MAP2: variants seen among roughly 807,000 people sequenced by gnomAD.
The protein encoded by MAP2 is microtubule associated protein 2, also known as microtubule-associated protein 2.
MAP2 carries 14 observed loss-of-function variants against 137.6 expected under a neutral mutation model. That is an observed-to-expected ratio of 0.10 (90% CI 0.07 to 0.16). The LOEUF is 0.16. MAP2 is among the 10% of genes least tolerant of loss of function. The pLI is 1.00. For synonymous variants in MAP2, 786 were observed against 782.3 expected (o/e 1.00, Z -0.08); for missense variants, 2,088 against 2,191.5 (o/e 0.95, Z 0.94).
At chr2:209,705,549 A>T in intron 11 of MAP2, 31 bp from the exon 12 acceptor site, 1 of 1,549,152 alleles carries the variant, frequency 6.5e-7, no homozygotes. Flanking sequence ...AGTTACAAGA[A>T]CCCAATGTTC....
intron 1 of MAP2, among the ~76,000 whole-genome samples, chr2:209,443,018 T>C (rs1352383896): frequency 6.6e-6 from 1 of 151,634 alleles, no homozygotes; most frequent in Non-Finnish European, 1.5e-5. Context: ...ATCTTTCTTA[T>C]CTGCATATTT....
At chr2:209,547,128 T>C (rs2068233334) in intron 2 of MAP2, among the ~76,000 whole-genome samples, 1 of 152,142 alleles carries the variant, frequency 6.6e-6, no homozygotes, top group Non-Finnish European at 1.5e-5. Context: ...CTGGCATTGA[T>C]GCGTCCCCTA....
intron 2 of MAP2, among the ~76,000 whole-genome samples, chr2:209,512,495 G>A (rs2061855875): frequency 6.7e-6 from 1 of 149,412 alleles, no homozygotes; most frequent in South Asian, 2.1e-4. Context: ...AAATGAATGA[G>A]GATCTTTAAA....
intron 2 of MAP2, among the ~76,000 whole-genome samples, chr2:209,567,271 A>G (rs1375604872): frequency 6.6e-6 from 1 of 152,160 alleles, no homozygotes; most frequent in Non-Finnish European, 1.5e-5. Context: ...TGTAAAACAC[A>G]TCAAGTTTGC....
intron 2 of MAP2, among the ~76,000 whole-genome samples, chr2:209,578,927 CTGTT>C (rs2075786455): frequency 6.7e-6 from 1 of 150,102 alleles, no homozygotes; most frequent in Non-Finnish European, 1.5e-5. Context: ...TTCTAATTCT[CTGTT>C]TTTTTTTTTT....
chr2:209,449,322 A>G (rs6435528), intron 1 of MAP2, among the ~76,000 whole-genome samples: 86,434 of 151,986 alleles, frequency 0.57, 26,559 homozygotes, highest in African/African-American at 0.81. Context: ...AGTTAGGGAA[A>G]GAACAAACTG....
intron 2 of MAP2, among the ~76,000 whole-genome samples, chr2:209,560,303 T>C (rs1171952939): frequency 6.6e-6 from 1 of 152,156 alleles, no homozygotes; most frequent in Non-Finnish European, 1.5e-5. Context: ...AAAACATACA[T>C]TTGTGATTTC....
chr2:209,696,974 C>T lies in MAP2; in HGVS notation c.4445C>T (p.Ser1482Phe). The T allele has an allele frequency of 6.2e-7, 1 of 1,613,434 alleles. No homozygotes were observed. The highest frequency in any genetic ancestry group is 2.2e-5 in the East Asian group (1 of 44,852). ...ACAGAAGTTCAGGCCCACTCTCCCT[C>T]CAGGAAATTCATTTTAAAACCTGCT... The part of the protein sequence containing the change: ...KKTEVQAHSP[S>F]RKFILKPAIK... Residue 1482 changes from serine (S) to phenylalanine (F), a missense_variant, in exon 10 of 16, where the codon TCC (serine) becomes TTC (phenylalanine). This residue lies in a region of MAP2 where 591 missense variants were observed against 642.6 expected (regional missense o/e 0.92). Coordinates refer to ENST00000682079, the MANE Select transcript of MAP2 (RefSeq NM_001375505.1).
intron 2 of MAP2, among the ~76,000 whole-genome samples, chr2:209,556,013 A>G (rs543229560): frequency 4.8e-5 from 7 of 145,916 alleles, no homozygotes; most frequent in South Asian, 4.4e-4. Flanking sequence ...AATCATTTTC[A>G]GGCATTCTTT....
At position 209,621,062 on chromosome 2, in the gene MAP2, G is replaced by A. The variant is rs1255055531; in HGVS notation, c.-106-3991G>A. Among the ~76,000 whole-genome samples, 5 of 151,698 alleles carry A rather than the reference G, an allele frequency of 3.3e-5. No homozygotes were observed. The East Asian group carries it at 1.0e-3, about 31-fold the overall frequency. On this transcript the variant is annotated intron_variant, in intron 3 of 15. Coordinates refer to ENST00000682079, the MANE Select transcript of MAP2 (RefSeq NM_001375505.1). ...ATACAAAACTTAGCTGGGCGTGGTG[G>A]CACATACCTGTAATCCCAGCTACTC...
intron 2 of MAP2, among the ~76,000 whole-genome samples, chr2:209,557,527 A>G (rs1224378588): frequency 1.3e-5 from 2 of 152,176 alleles, no homozygotes; most frequent in Non-Finnish European, 2.9e-5. Context: ...TAGAGCCACT[A>G]TCCAACTCCA....
chr2:209,463,740 T>A (rs879322464), intron 1 of MAP2, among the ~76,000 whole-genome samples: 1 of 152,178 alleles, frequency 6.6e-6, no homozygotes, highest in African/African-American at 2.4e-5. Flanking sequence ...CTAAAAGAAA[T>A]CATTGAAATA....
chr2:209,503,121 T>C (rs2060606136), intron 1 of MAP2, among the ~76,000 whole-genome samples: 1 of 150,718 alleles, frequency 6.6e-6, no homozygotes, highest in African/African-American at 2.4e-5. Context: ...CACCTCAGCC[T>C]CCTGGGTAGC....
At chr2:209,527,987 G>A (rs288057) in intron 2 of MAP2, among the ~76,000 whole-genome samples, 121,432 of 152,052 alleles carry the variant, frequency 0.8, 49,759 homozygotes, top group Non-Finnish European at 0.9. Flanking sequence ...CATATTATAC[G>A]AAGTTCTCTC....
chr2:209,608,531 A>T (rs1421783109), intron 3 of MAP2, among the ~76,000 whole-genome samples: 1 of 152,086 alleles, frequency 6.6e-6, no homozygotes, highest in Admixed American at 6.5e-5. Flanking sequence ...ATTCTGCAAT[A>T]TTGAATTGTA....
Position 209,552,785 on chromosome 2 carries a change from C to T in MAP2, c.-171-27251C>T, listed in dbSNP as rs115605594. On this transcript the variant is annotated intron_variant, in intron 2 of 15. Transcript: ENST00000682079. ...CTGAGGCAGGAGTATCGCTTGATCC[C>T]GGGAGGCAGGGGTTGTGCTGAGCCA... Among the ~76,000 whole-genome samples, 1,391 of 152,000 alleles carry T rather than the reference C, an allele frequency of 9.2e-3. 6 individuals are homozygous for T. The highest frequency in any genetic ancestry group is 0.041 in the Middle Eastern group (12 of 292).
chr2:209,705,463 G>C, intron 11 of MAP2, 117 bp from the exon 12 acceptor site: 2 of 722,722 alleles, frequency 2.8e-6, no homozygotes, highest in Non-Finnish European at 4.2e-6. Flanking sequence ...AAATCCAGTA[G>C]TTTGTATTAA....
chr2:209,626,666 T>A (rs542306948), intron 4 of MAP2, among the ~76,000 whole-genome samples: 2 of 152,308 alleles, frequency 1.3e-5, no homozygotes, highest in East Asian at 3.9e-4. Flanking sequence ...TTATTAACAT[T>A]TTAAAAGTTT....
intron 1 of MAP2, among the ~76,000 whole-genome samples, chr2:209,446,930 G>A (rs1699203565): frequency 6.6e-6 from 1 of 151,850 alleles, no homozygotes; most frequent in Non-Finnish European, 1.5e-5. Flanking sequence ...CACTTCAATA[G>A]CAGATATTTT....
Sources: gnomAD v4.1 joint callset for allele counts (sites outside exome capture counted in the v4.1 genomes callset) on GRCh38, gnomAD v4.1.1 for gene constraint, gnomAD v4.1.1 regional missense constraint, MANE v1.5 for transcripts, NCBI Gene and HGNC (gene_info 2026-07-23, HGNC 2026-07-21) for gene names.